PTPRA: variants seen among roughly 807,000 people sequenced by gnomAD.
PTPRA encodes the protein receptor-type tyrosine-protein phosphatase alpha.
In PTPRA, 25 loss-of-function variants were observed where a neutral mutation model predicts 104.8. The observed-to-expected ratio is 0.24, with a 90% confidence interval of 0.17 to 0.33. PTPRA has a LOEUF of 0.33. PTPRA is among the 10% of genes least tolerant of loss of function. The pLI is 1.00. For synonymous variants in PTPRA, 323 were observed against 368.9 expected (o/e 0.88, Z 1.43); for missense variants, 765 against 1,015.3 (o/e 0.75, Z 3.35).
At chr20:2,880,756 C>T (rs968346666) in intron 1 of PTPRA, among the ~76,000 whole-genome samples, 3 of 152,120 alleles carry the variant, frequency 2.0e-5, no homozygotes, top group South Asian at 2.1e-4. Context: ...CACGGTGGCT[C>T]ACACCCATAA....
intron 14 of PTPRA, 53 bp downstream of exon 14, chr20:3,021,481 A>G: frequency 6.2e-7 from 1 of 1,606,068 alleles, no homozygotes; most frequent in Non-Finnish European, 8.5e-7. Context: ...GCTGACCAGT[A>G]AGAGGGAACA....
chr20:2,901,616 G>A (rs972791081), intron 1 of PTPRA, among the ~76,000 whole-genome samples: 3 of 152,036 alleles, frequency 2.0e-5, no homozygotes, highest in African/African-American at 7.2e-5. Flanking sequence ...TGTTACTTAT[G>A]TTATATTGTT....
At chr20:2,905,763 C>T (rs1330469016) in intron 1 of PTPRA, among the ~76,000 whole-genome samples, 1 of 143,834 alleles carries the variant, frequency 7.0e-6, no homozygotes, top group Non-Finnish European at 1.5e-5. Flanking sequence ...CAGCTCACCA[C>T]AACCTCTGCC....
At chr20:2,925,836 CA>C (rs997568114) in intron 2 of PTPRA, among the ~76,000 whole-genome samples, 3 of 149,502 alleles carry the variant, frequency 2.0e-5, no homozygotes, top group African/African-American at 4.9e-5. Flanking sequence ...AAAACAAAAA[CA>C]AAAAAAAACA....
At chr20:3,036,060 A>G (rs1480440235) in intron 22 of PTPRA, 119 bp downstream of exon 22, 2 of 1,502,574 alleles carry the variant, frequency 1.3e-6, no homozygotes, top group South Asian at 2.6e-5. Context: ...TGGTGAGCAC[A>G]TAGTAGTTGA....
At chr20:2,974,762 G>T (rs1201275566) in intron 5 of PTPRA, among the ~76,000 whole-genome samples, 1 of 152,136 alleles carries the variant, frequency 6.6e-6, no homozygotes, top group African/African-American at 2.4e-5. Context: ...TGGGACAAAA[G>T]AATATTGTAC....
intron 6 of PTPRA, among the ~76,000 whole-genome samples, chr20:2,975,611 T>G (rs538304736): frequency 2.0e-5 from 3 of 152,342 alleles, no homozygotes; most frequent in Admixed American, 1.3e-4. Flanking sequence ...TTTGTGTTGT[T>G]TTTCCCCTAG....
chr20:2,866,696 A>C, the PTPRA span: 4 of 1,427,108 alleles, frequency 2.8e-6, no homozygotes, highest in Non-Finnish European at 3.8e-6. Context: ...GCATGGTAGC[A>C]GGGCTGTCTG....
intron 2 of PTPRA, among the ~76,000 whole-genome samples, chr20:2,938,416 C>A (rs372274066): frequency 5.9e-5 from 9 of 152,114 alleles, no homozygotes; most frequent in Non-Finnish European, 1.3e-4. Context: ...GAACTCCTGA[C>A]CTCAGGTGAT....
chr20:2,946,807 C>T (rs894741124), intron 2 of PTPRA, among the ~76,000 whole-genome samples: 5 of 151,672 alleles, frequency 3.3e-5, no homozygotes, highest in African/African-American at 1.2e-4. Context: ...GAGATCACGC[C>T]ACTGCACTCC....
the PTPRA span, chr20:2,866,151 A>C: frequency 6.7e-7 from 1 of 1,487,576 alleles, no homozygotes; most frequent in East Asian, 2.3e-5. Flanking sequence ...TCTGCTCGTA[A>C]GAGAGAGGAC....
chr20:2,884,118 G>A (rs778051404), intron 1 of PTPRA, among the ~76,000 whole-genome samples: 20 of 152,070 alleles, frequency 1.3e-4, no homozygotes, highest in East Asian at 3.9e-4. Context: ...ATTGATATAC[G>A]ACATTTGGCT....
the PTPRA span, chr20:2,866,815 G>A: frequency 3.7e-6 from 2 of 541,668 alleles, no homozygotes; most frequent in South Asian, 5.8e-5. Flanking sequence ...AACTCCATGT[G>A]TTCCGTTGTG....
At chr20:3,003,906 T>C (rs1326669807) in intron 9 of PTPRA, among the ~76,000 whole-genome samples, 1 of 152,130 alleles carries the variant, frequency 6.6e-6, no homozygotes, top group African/African-American at 2.4e-5. Flanking sequence ...GATCAAATAA[T>C]AAAATTTAGC....
At chr20:2,864,672 C>T in the PTPRA span, 44 of 1,597,572 alleles carry the variant, frequency 2.8e-5, no homozygotes, top group African/African-American at 4.5e-4. The surrounding 1 kb of genome is among the most constrained non-coding windows in gnomAD (Gnocchi z 5.2). Context: ...ATCCATGGGG[C>T]GTGTGGGGCG....
intron 8 of PTPRA, 41 bp downstream of exon 8, chr20:2,988,146 A>G (rs773023334): frequency 6.5e-7 from 1 of 1,536,622 alleles, no homozygotes; most frequent in South Asian, 1.1e-5. Flanking sequence ...TTCACAAGGA[A>G]GGAAATCAAG....
chr20:2,978,193 CAT>C (rs1170758911), intron 6 of PTPRA, among the ~76,000 whole-genome samples: 1 of 152,044 alleles, frequency 6.6e-6, no homozygotes, highest in Non-Finnish European at 1.5e-5. Context: ...AAGGAAGTAA[CAT>C]AGTCAGATTT....
Position 3,022,614 on chromosome 20 carries a change from C to T in PTPRA, c.1329-75C>T. On this transcript the variant is annotated intron_variant, in intron 15 of 23. Transcript: ENST00000399903. The surrounding 1 kb of genome is among the most constrained non-coding windows in gnomAD (Gnocchi z 4.6). ...TTAGACCCTGAAGGAAGAGCCCCTG[C>T]CTGTGTTGCCCCTCCCTATCTGCTC... 2 of 1,592,662 alleles carry T rather than the reference C, an allele frequency of 1.3e-6. No individual in the cohort carries two copies. The highest frequency in any genetic ancestry group is 8.6e-7 in the Non-Finnish European group (1 of 1,165,822).
At chr20:2,999,210 G>A (rs567044613) in intron 9 of PTPRA, among the ~76,000 whole-genome samples, 1 of 152,216 alleles carries the variant, frequency 6.6e-6, no homozygotes, top group South Asian at 2.1e-4. Context: ...GACATTAAAG[G>A]AAAATAGCTT....
Sources: gnomAD v4.1 joint callset for allele counts (sites outside exome capture counted in the v4.1 genomes callset) on GRCh38, gnomAD v4.1.1 for gene constraint, Gnocchi (gnomAD v3.1) non-coding constraint, MANE v1.5 for transcripts, NCBI Gene and HGNC (gene_info 2026-07-23, HGNC 2026-07-21) for gene names.